SUPT3H: variants seen among roughly 807,000 people sequenced by gnomAD.
SUPT3H encodes SPT3 homolog, SAGA and STAGA complex component, also known as transcription initiation protein SPT3 homolog.
In SUPT3H, 44 loss-of-function variants were observed where a neutral mutation model predicts 44.3. The ratio of observed to expected loss-of-function variants is 0.99; its 90% CI spans 0.78 to 1.28. The LOEUF (loss-of-function observed/expected upper bound fraction) is 1.28. Ranked by LOEUF, SUPT3H falls within the 50% of genes most tolerant of loss-of-function variation. SUPT3H has a pLI of 0.00. For synonymous variants in SUPT3H, 124 were observed against 125.6 expected, an observed-to-expected ratio of 0.99 and a Z score of 0.09; for missense variants, 380 against 387.1, an observed-to-expected ratio of 0.98 and a Z score of 0.15.
intron 6 of SUPT3H, among the ~76,000 whole-genome samples, chr6:44,991,871 TAC>T (rs1373812902): frequency 6.6e-6 from 1 of 152,276 alleles, no homozygotes; most frequent in East Asian, 1.9e-4. Flanking sequence ...TGCCAGAGAA[TAC>T]ACTTGTTTTC....
rs533393569 is a variant in SUPT3H, at chr6:44,886,844, C to T, written c.912+45809G>A. On this transcript the variant is annotated intron_variant, in intron 10 of 10. Transcript: ENST00000371459. ...TGGCAAATTGGATAAAGAGTCAAGA[C>T]CCATCAGTGTGCTATATTCAGGAAA... 8.5e-5 allele frequency among the ~76,000 whole-genome samples: 13 copies of T among 152,190 alleles called. 1 individual carries two copies. Among genetic ancestry groups the T allele is most frequent in the Middle Eastern group, 3.4e-3 (1 of 292 alleles).
chr6:44,908,143 T>C (rs1039120740), intron 10 of SUPT3H, among the ~76,000 whole-genome samples: 1 of 150,658 alleles, frequency 6.6e-6, no homozygotes, highest in African/African-American at 2.4e-5. Flanking sequence ...GAAATAACTT[T>C]TTTTTCTTTT....
chr6:44,869,792 G>C (rs947782614), intron 10 of SUPT3H, among the ~76,000 whole-genome samples: 1 of 152,152 alleles, frequency 6.6e-6, no homozygotes, highest in African/African-American at 2.4e-5. Flanking sequence ...GCTAAGAATA[G>C]CTATTCATTT....
At chr6:45,332,881 C>T (rs1475412754) in intron 2 of SUPT3H, among the ~76,000 whole-genome samples, 1 of 151,668 alleles carries the variant, frequency 6.6e-6, no homozygotes, top group Non-Finnish European at 1.5e-5. Flanking sequence ...TAAGCAGAGA[C>T]TTCTCAATAC....
At chr6:45,227,478 A>C (rs886713718) in intron 2 of SUPT3H, among the ~76,000 whole-genome samples, 1 of 152,342 alleles carries the variant, frequency 6.6e-6, no homozygotes, top group Admixed American at 6.5e-5. Context: ...CATAAAAAAT[A>C]AAATTCATGC....
chr6:45,154,404 G>C (rs569318050), intron 2 of SUPT3H, among the ~76,000 whole-genome samples: 2 of 152,078 alleles, frequency 1.3e-5, no homozygotes, highest in African/African-American at 4.8e-5. Flanking sequence ...TGCCAGTGTT[G>C]TGGCTCAGAA....
At chr6:44,989,816 G>A (rs1576382) in intron 6 of SUPT3H, among the ~76,000 whole-genome samples, 63,323 of 151,722 alleles carry the variant, frequency 0.42, 13,589 homozygotes, top group East Asian at 0.7. Context: ...AAAATGTCTC[G>A]TCAGGTCCTT....
intron 6 of SUPT3H, among the ~76,000 whole-genome samples, chr6:44,995,412 G>A (rs772652218): frequency 1.6e-4 from 24 of 151,758 alleles, no homozygotes; most frequent in Non-Finnish European, 3.1e-4. Context: ...TAGAAACAAG[G>A]GACAATTAAA....
intron 3 of SUPT3H, among the ~76,000 whole-genome samples, chr6:45,067,906 G>C (rs1192693256): frequency 1.5e-4 from 22 of 144,804 alleles, no homozygotes; most frequent in Admixed American, 4.1e-4. Flanking sequence ...TCAGTGTGGC[G>C]ATTCCTCAGG....
intron 3 of SUPT3H, among the ~76,000 whole-genome samples, chr6:45,074,456 T>A (rs1794760275): frequency 6.6e-6 from 1 of 151,808 alleles, no homozygotes; most frequent in Non-Finnish European, 1.5e-5. Context: ...ATAAGCCAAG[T>A]GAAAGGTGCT....
intron 5 of SUPT3H, among the ~76,000 whole-genome samples, 160 bp from the exon 6 acceptor site, chr6:45,003,952 C>G (rs1302050864): frequency 1.3e-5 from 2 of 151,938 alleles, no homozygotes; most frequent in Non-Finnish European, 2.9e-5. Flanking sequence ...AAGTATAAGT[C>G]ATACAGAATT....
At chr6:44,999,415 C>T (rs1466328724) in intron 6 of SUPT3H, among the ~76,000 whole-genome samples, 2 of 151,820 alleles carry the variant, frequency 1.3e-5, no homozygotes, top group African/African-American at 4.8e-5. Flanking sequence ...TGTTTTGTAA[C>T]GATTTTCGAT....
intron 2 of SUPT3H, among the ~76,000 whole-genome samples, chr6:45,133,812 T>G (rs1803856826): frequency 6.6e-6 from 1 of 152,194 alleles, no homozygotes; most frequent in Non-Finnish European, 1.5e-5. Context: ...TCAGTTAAAG[T>G]GGCAATATTA....
intron 2 of SUPT3H, among the ~76,000 whole-genome samples, chr6:45,237,879 G>C (rs1374734768): frequency 6.6e-6 from 1 of 152,062 alleles, no homozygotes. Flanking sequence ...ACAACCTATG[G>C]GAGCATTACA....
At chr6:44,998,934 A>AT (rs954414844) in intron 6 of SUPT3H, among the ~76,000 whole-genome samples, 4 of 151,976 alleles carry the variant, frequency 2.6e-5, no homozygotes, top group Non-Finnish European at 2.9e-5. Flanking sequence ...CACTTGTTTA[A>AT]TTTTATATGG....
intron 2 of SUPT3H, among the ~76,000 whole-genome samples, chr6:45,298,604 A>C (rs1385153075): frequency 1.3e-5 from 2 of 151,358 alleles, no homozygotes; most frequent in East Asian, 1.9e-4. Flanking sequence ...CTAAAATGTT[A>C]TCTCTTAATG....
chr6:44,891,032 G>A (rs1763231379), intron 10 of SUPT3H, among the ~76,000 whole-genome samples: 1 of 152,068 alleles, frequency 6.6e-6, no homozygotes, highest in African/African-American at 2.4e-5. Flanking sequence ...TAATGTAGAT[G>A]ACGGGTTGAT....
At chr6:45,004,223 C>T (rs190223672) in intron 5 of SUPT3H, among the ~76,000 whole-genome samples, 139 of 152,042 alleles carry the variant, frequency 9.1e-4, no homozygotes, top group Non-Finnish European at 2.4e-4. Flanking sequence ...TTAGAAAATA[C>T]AGCTCAAGAC....
intron 2 of SUPT3H, among the ~76,000 whole-genome samples, chr6:45,334,449 C>CAAAAAAAAAAAAA (rs551014969): frequency 2.2e-5 from 2 of 91,732 alleles, no homozygotes; most frequent in Non-Finnish European, 4.3e-5. Flanking sequence ...TCAGGAAAAG[C>CAAAAAAAAAAAAA]AAAAAAAAAA....
Sources: allele counts gnomAD v4.1 joint callset (sites outside exome capture counted in the v4.1 genomes callset), GRCh38; gene constraint gnomAD v4.1.1; transcripts MANE v1.5; gene names NCBI Gene and HGNC (gene_info 2026-07-23, HGNC 2026-07-21).